The following SPEF2 variants were observed in gnomAD, a reference collection of about 807,000 sequenced individuals.
SPEF2 encodes the protein sperm flagellar and cilia associated 2.
A neutral mutation model predicts 224.6 loss-of-function variants in SPEF2; 187 were observed. The ratio of observed to expected loss-of-function variants is 0.83; its 90% confidence interval spans 0.74 to 0.94. The LOEUF is 0.94. Ranked by LOEUF, SPEF2 falls within the 40% of genes least tolerant of loss-of-function variation. The probability of loss-of-function intolerance (pLI) is 0.00; values close to 1 mark genes in which losing one functional copy is unlikely to be tolerated. For missense variants in SPEF2, 2,170 were observed against 2,135.6 expected, an observed-to-expected ratio of 1.02 and a Z score of -0.32; for synonymous variants, 715 against 707.3, an observed-to-expected ratio of 1.01 and a Z score of -0.17.
intron 20 of SPEF2, among the ~76,000 whole-genome samples, chr5:35,718,502 G>A (rs1052712355): frequency 2.0e-5 from 3 of 152,104 alleles, no homozygotes; most frequent in Non-Finnish European, 4.4e-5. Flanking sequence ...CAGGGTACAT[G>A]AAGGAGAGGG....
chr5:35,732,152 G>C (rs1328670881), intron 21 of SPEF2, among the ~76,000 whole-genome samples: 1 of 152,214 alleles, frequency 6.6e-6, no homozygotes, highest in Non-Finnish European at 1.5e-5. Flanking sequence ...CTAGCCTTGA[G>C]AGCAAGGCTG....
At chr5:35,656,310 G>A (rs1386277292) in intron 7 of SPEF2, among the ~76,000 whole-genome samples, 1 of 152,116 alleles carries the variant, frequency 6.6e-6, no homozygotes. Flanking sequence ...ATATAAATAT[G>A]AAGAAGTGAA....
Position 35,800,107 on chromosome 5 carries a change from T to A in SPEF2, c.4970T>A (p.Val1657Asp), listed in dbSNP as rs774660078. ...RALSVAVGTH[V>D]FQQVKASIPS... ...CTCAGTGTGGCTGTTGGAACTCATGTCTTCCAACAAGTCAAAGCTTCCATT... is the reference window on the plus strand; with the variant it reads ...CTCAGTGTGGCTGTTGGAACTCATGACTTCCAACAAGTCAAAGCTTCCATT... Residue 1657 changes from valine (V) to aspartate (D), a missense_variant, in exon 34 of 37, where the codon GTC (valine) becomes GAC (aspartate). By Grantham distance (152) the Val-to-Asp change is radical. Coordinates refer to ENST00000356031, the MANE Select transcript of SPEF2 (RefSeq NM_024867.4). The A allele has an allele frequency of 6.2e-7, 1 of 1,614,138 alleles. No individual in the cohort carries two copies. The highest frequency in any genetic ancestry group is 8.5e-7 in the Non-Finnish European group (1 of 1,180,026).
At chr5:35,651,447 G>A (rs1748177141) in intron 6 of SPEF2, among the ~76,000 whole-genome samples, 1 of 152,202 alleles carries the variant, frequency 6.6e-6, no homozygotes, top group East Asian at 1.9e-4. Flanking sequence ...ACCTGTGGCT[G>A]TGAACAGCTT....
chr5:35,808,180 T>C, intron 36 of SPEF2: 1 of 965,240 alleles, frequency 1.0e-6, no homozygotes, highest in Non-Finnish European at 1.2e-6. Context: ...TGCTGATCCT[T>C]TTAAATATTA....
rs112961195 is a variant in SPEF2, at chr5:35,712,588, A to G, written c.2840-224A>G. ...TATTAAAGTTAGGACTAAACATCTCAATGTGACAGAATAATGCTGCTATTA... is the reference window on the plus strand; with the variant it reads ...TATTAAAGTTAGGACTAAACATCTCGATGTGACAGAATAATGCTGCTATTA... On this transcript the variant is annotated intron_variant, in intron 19 of 36. Transcript: ENST00000356031. 3.1e-3 allele frequency among the ~76,000 whole-genome samples: 475 copies of G among 152,344 alleles called. 5 individuals carry two copies. The highest frequency in any genetic ancestry group is 0.011 in the African/African-American group (455 of 41,576).
chr5:35,802,648 G>A (rs1455908767), intron 34 of SPEF2, among the ~76,000 whole-genome samples: 2 of 151,768 alleles, frequency 1.3e-5, no homozygotes, highest in African/African-American at 4.8e-5. Flanking sequence ...GAAGGTGAGG[G>A]GGAGAGCCTT....
intron 26 of SPEF2, among the ~76,000 whole-genome samples, chr5:35,768,262 C>T (rs924918631): frequency 8.6e-5 from 13 of 151,950 alleles, no homozygotes; most frequent in Admixed American, 2.0e-4. Flanking sequence ...ATAGCAGAGA[C>T]CACAACAAGT....
At chr5:35,772,034 C>G (rs557570024) in intron 27 of SPEF2, among the ~76,000 whole-genome samples, 80 of 152,212 alleles carry the variant, frequency 5.3e-4, no homozygotes, top group African/African-American at 1.7e-3. Context: ...CAGGATGGTA[C>G]TATGTCATCT....
chr5:35,790,276 C>T, intron 30 of SPEF2: 1 of 621,604 alleles, frequency 1.6e-6, no homozygotes, highest in Non-Finnish European at 2.9e-6. Context: ...CCTAGGAAAG[C>T]TATCCATTTA....
Position 35,763,521 on chromosome 5 carries a change from G to T in SPEF2, c.3621-1G>T. The T allele has an allele frequency of 6.5e-7, 1 of 1,545,554 alleles. No homozygotes were observed. Among genetic ancestry groups the T allele is most frequent in the Non-Finnish European group, 8.7e-7 (1 of 1,150,944 alleles). The stretch of plus-strand genomic sequence containing the variant: ...CCTTTTTGCTTGTTTGTTTCTCAAA[G>T]AATTCCTCTAGTTCCTCGAATATCC... On this transcript the variant is annotated splice_acceptor_variant, in intron 25 of 36. Coordinates refer to ENST00000356031, the MANE Select transcript of SPEF2 (RefSeq NM_024867.4). LOFTEE classifies it high-confidence loss of function.
chr5:35,722,065 T>G (rs1382671858), intron 20 of SPEF2, among the ~76,000 whole-genome samples: 1 of 151,866 alleles, frequency 6.6e-6, no homozygotes, highest in Admixed American at 6.6e-5. Flanking sequence ...CTTTAAAGGT[T>G]AACTGCTGAC....
intron 16 of SPEF2, chr5:35,702,344 A>G (rs1414948285): frequency 4.4e-6 from 2 of 456,018 alleles, no homozygotes; most frequent in Non-Finnish European, 4.4e-6. Context: ...CTCAAAGCCA[A>G]TGGGCAGGAG....
intron 14 of SPEF2, among the ~76,000 whole-genome samples, chr5:35,696,868 G>T (rs540621869): frequency 1.2e-4 from 18 of 152,298 alleles, no homozygotes; most frequent in African/African-American, 3.8e-4. Flanking sequence ...GATTGAAAGA[G>T]GTGAGAGAAC....
rs546350176 is a variant in SPEF2, at chr5:35,727,669, T to C, written c.2915-6T>C. ...GTATTGGAATAATTTGATATGCATGTTTAAGGTTCTCCTAAAGGAAAATCA... is the reference window on the plus strand; with the variant it reads ...GTATTGGAATAATTTGATATGCATGCTTAAGGTTCTCCTAAAGGAAAATCA... On this transcript the variant is annotated splice_polypyrimidine_tract_variant and splice_region_variant and intron_variant, in intron 20 of 36. Coordinates refer to ENST00000356031, the MANE Select transcript of SPEF2 (RefSeq NM_024867.4). 18 of 1,611,914 alleles carry C rather than the reference T, an allele frequency of 1.1e-5. No individual in the cohort carries two copies. The African/African-American group carries it at 1.5e-4, about 13-fold the overall frequency.
In SPEF2 at chr5:35,702,747, C is replaced by G. The variant is rs556500104; in HGVS notation, c.2399-1807C>G. Among the ~76,000 whole-genome samples, 44 of 152,274 alleles carry G rather than the reference C, an allele frequency of 2.9e-4. 1 individual carries two copies. The South Asian group carries it at 3.9e-3, about 14-fold the overall frequency. ...TGCCTGGAATCAAATCCCTTCTCTA[C>G]CATTTATGAACTGTGCAATTTGGAG... On this transcript the variant is annotated intron_variant, in intron 16 of 36. Coordinates refer to ENST00000356031, the MANE Select transcript of SPEF2 (RefSeq NM_024867.4).
intron 3 of SPEF2, among the ~76,000 whole-genome samples, chr5:35,643,105 A>T (rs1424788644): frequency 6.6e-6 from 1 of 152,184 alleles, no homozygotes; most frequent in Non-Finnish European, 1.5e-5. Context: ...AGTGGAGTTT[A>T]TATATAATAA....
At position 35,807,604 on chromosome 5, in the gene SPEF2, G is replaced by C. The variant is rs1208140612; in HGVS notation, c.5379+351G>C. 3 of 1,517,260 alleles carry C rather than the reference G, an allele frequency of 2.0e-6. No individual in the cohort carries two copies. In the Admixed American group the frequency reaches 5.9e-5, roughly 30 times the overall value. 94.0% of individuals were successfully genotyped at this position (1,517,260 alleles called of 1,614,324 possible). Reference sequence around the variant, plus strand: ...AACCAAGACCATGATCTCCAGCCAAGTGCTGACATATTCATTGTACTCTAA... The same window carrying C: ...AACCAAGACCATGATCTCCAGCCAACTGCTGACATATTCATTGTACTCTAA... On this transcript the variant is annotated intron_variant, in intron 36 of 36. Transcript: ENST00000356031.
chr5:35,677,701 C>T (rs1327537861), intron 10 of SPEF2, among the ~76,000 whole-genome samples: 1 of 152,088 alleles, frequency 6.6e-6, no homozygotes, highest in Non-Finnish European at 1.5e-5. Context: ...TCACTTCGAG[C>T]ACAGCTGGAA....
Sources: gnomAD v4.1 joint callset for allele counts (sites outside exome capture counted in the v4.1 genomes callset) on GRCh38, gnomAD v4.1.1 for gene constraint, MANE v1.5 for transcripts, NCBI Gene and HGNC (gene_info 2026-07-23, HGNC 2026-07-21) for gene names.